CEP112: variants seen among roughly 807,000 people sequenced by gnomAD.
The protein encoded by CEP112 is centrosomal protein 112.
A neutral mutation model predicts 153.0 loss-of-function variants in CEP112; 127 were observed. The observed-to-expected ratio is 0.83, with a 90% CI of 0.72 to 0.96. The LOEUF (loss-of-function observed/expected upper bound fraction) is 0.96. CEP112 is among the 40% of genes least tolerant of loss of function. CEP112 has a pLI of 0.00. For synonymous variants in CEP112, 358 were observed against 374.4 expected, an observed-to-expected ratio of 0.96 and a Z score of 0.51; for missense variants, 1,089 against 1,101.2, an observed-to-expected ratio of 0.99 and a Z score of 0.16.
At chr17:65,868,052 A>T (rs1319849002) in intron 20 of CEP112, among the ~76,000 whole-genome samples, 1 of 151,842 alleles carries the variant, frequency 6.6e-6, no homozygotes, top group Non-Finnish European at 1.5e-5. Context: ...TAAATTTTTT[A>T]AATTAAAATA....
chr17:65,920,082 C>T (rs1160307263), intron 19 of CEP112, among the ~76,000 whole-genome samples: 4 of 151,818 alleles, frequency 2.6e-5, no homozygotes, highest in Non-Finnish European at 4.4e-5. Context: ...CAGTGGCTCA[C>T]GCCTGTAATC....
At chr17:65,715,154 C>G (rs1428587376) in intron 23 of CEP112, among the ~76,000 whole-genome samples, 1 of 152,140 alleles carries the variant, frequency 6.6e-6, no homozygotes, top group Non-Finnish European at 1.5e-5. Flanking sequence ...AGCTGACACT[C>G]TCAGTCCAAT....
chr17:66,172,210 A>G (rs1228893030), intron 4 of CEP112, among the ~76,000 whole-genome samples: 2 of 152,218 alleles, frequency 1.3e-5, no homozygotes, highest in African/African-American at 4.8e-5. Flanking sequence ...AAATATAGCA[A>G]ATACAGCAAA....
intron 19 of CEP112, among the ~76,000 whole-genome samples, chr17:65,926,642 G>C (rs2144166192): frequency 6.6e-6 from 1 of 152,238 alleles, no homozygotes; most frequent in Admixed American, 6.5e-5. Context: ...GAACCCGAGA[G>C]GTGGCGGTTG....
At chr17:65,719,230 A>G (rs1159330792) in intron 23 of CEP112, among the ~76,000 whole-genome samples, 2 of 152,208 alleles carry the variant, frequency 1.3e-5, no homozygotes, top group African/African-American at 2.4e-5. Flanking sequence ...AGTCCGTTGC[A>G]TCTGGCTCTA....
intron 19 of CEP112, among the ~76,000 whole-genome samples, chr17:65,905,651 T>C (rs1321185423): frequency 6.6e-6 from 1 of 152,122 alleles, no homozygotes; most frequent in Non-Finnish European, 1.5e-5. Context: ...CATGCATGGC[T>C]GGGTACGGTG....
chr17:65,981,964 T>C (rs917870932), intron 17 of CEP112, among the ~76,000 whole-genome samples: 10 of 152,172 alleles, frequency 6.6e-5, no homozygotes, highest in Non-Finnish European at 1.5e-4. Context: ...AATACTGACA[T>C]AGTAAAAATG....
intron 5 of CEP112, 151 bp from the exon 6 acceptor site, chr17:66,129,974 G>T: frequency 2.0e-6 from 1 of 502,644 alleles, no homozygotes; most frequent in Non-Finnish European, 3.6e-6. Context: ...AAGAAAGGAA[G>T]GGATGAAAAG....
At chr17:65,844,748 G>A (rs184390384) in intron 21 of CEP112, among the ~76,000 whole-genome samples, 55 of 151,994 alleles carry the variant, frequency 3.6e-4, no homozygotes, top group African/African-American at 1.3e-3. Flanking sequence ...GGGCGTGGTG[G>A]CTCACGCCTG....
At chr17:65,680,158 A>C (rs1281089015) in intron 24 of CEP112, among the ~76,000 whole-genome samples, 1 of 152,194 alleles carries the variant, frequency 6.6e-6, no homozygotes, top group African/African-American at 2.4e-5. Context: ...CTTTCTCTTC[A>C]TCTTTCCCTG....
chr17:65,823,987 A>T (rs925383352), intron 21 of CEP112, among the ~76,000 whole-genome samples: 10 of 152,202 alleles, frequency 6.6e-5, no homozygotes, highest in African/African-American at 2.4e-4. Context: ...ACTCTCATAC[A>T]CTGCTGGTGG....
intron 19 of CEP112, among the ~76,000 whole-genome samples, chr17:65,925,308 A>T (rs2060885640): frequency 6.6e-6 from 1 of 152,248 alleles, no homozygotes; most frequent in Non-Finnish European, 1.5e-5. Flanking sequence ...CTGTGAGTCC[A>T]TTAAACCTCT....
chr17:65,750,539 A>G, intron 22 of CEP112, 123 bp downstream of exon 22: 1 of 724,542 alleles, frequency 1.4e-6, no homozygotes, highest in Middle Eastern at 2.6e-4. Context: ...TAAAAATATG[A>G]TACCATTCCA....
chr17:65,880,955 A>G (rs1412628495), intron 20 of CEP112, among the ~76,000 whole-genome samples: 5 of 152,134 alleles, frequency 3.3e-5, no homozygotes, highest in South Asian at 4.1e-4. Flanking sequence ...GGTGGCTCAT[A>G]CCTGTAATCC....
chr17:65,937,373 A>G (rs1258086202), intron 18 of CEP112, among the ~76,000 whole-genome samples: 2 of 112,620 alleles, frequency 1.8e-5, no homozygotes, highest in East Asian at 9.5e-4. Flanking sequence ...GGAAGTGAGG[A>G]GCGTCTCTGC....
chr17:65,812,482 C>T (rs985580722), intron 21 of CEP112, among the ~76,000 whole-genome samples: 2 of 152,098 alleles, frequency 1.3e-5, no homozygotes. Context: ...ACCCTAAGAG[C>T]TCCAAGAAAA....
At chr17:65,917,902 C>T (rs951414264) in intron 19 of CEP112, among the ~76,000 whole-genome samples, 6 of 152,070 alleles carry the variant, frequency 3.9e-5, no homozygotes, top group Non-Finnish European at 8.8e-5. Flanking sequence ...CCTGGCTGGG[C>T]GCGGTGGCTC....
chr17:66,164,556 C>CAA (rs11317339), intron 4 of CEP112, among the ~76,000 whole-genome samples: 108 of 104,538 alleles, frequency 1.0e-3, no homozygotes, highest in Admixed American at 7.7e-3. Flanking sequence ...AACTCTATCT[C>CAA]AAAAAAAAAA....
At chr17:66,000,228 C>CTG (rs1555757175) in intron 17 of CEP112, among the ~76,000 whole-genome samples, 4 of 93,348 alleles carry the variant, frequency 4.3e-5, no homozygotes, top group Non-Finnish European at 6.6e-5. Flanking sequence ...TCACTGGCAT[C>CTG]TGTTTTTTTT....
Sources: allele counts gnomAD v4.1 joint callset (sites outside exome capture counted in the v4.1 genomes callset), GRCh38; gene constraint gnomAD v4.1.1; transcripts MANE v1.5; gene names NCBI Gene and HGNC (gene_info 2026-07-23, HGNC 2026-07-21).